The following ZFYVE27 variants were observed in gnomAD, a reference collection of about 807,000 sequenced individuals.
ZFYVE27 encodes the protein protrudin.
Under a neutral mutation model 52.8 loss-of-function variants are expected in ZFYVE27, and 36 were observed. That is an observed-to-expected ratio of 0.68 (90% confidence interval 0.52 to 0.90). The LOEUF (loss-of-function observed/expected upper bound fraction) is 0.90, where lower values mean the gene tolerates loss of function less well. Ranked by LOEUF, ZFYVE27 falls within the 40% of genes least tolerant of loss-of-function variation. The pLI is 0.00. For missense variants in ZFYVE27, 450 were observed against 527.2 expected, an observed-to-expected ratio of 0.85 and a Z score of 1.43; for synonymous variants, 223 against 215.6, an observed-to-expected ratio of 1.03 and a Z score of -0.30.
intron 3 of ZFYVE27, among the ~76,000 whole-genome samples, chr10:97,743,671 C>T (rs963720687): frequency 6.6e-6 from 1 of 152,192 alleles, no homozygotes; most frequent in Non-Finnish European, 1.5e-5. Flanking sequence ...TTTGCCATAT[C>T]TGTTGCTTTT....
intron 10 of ZFYVE27, among the ~76,000 whole-genome samples, chr10:97,754,509 C>A (rs1446194673): frequency 6.6e-6 from 1 of 151,998 alleles, no homozygotes; most frequent in Non-Finnish European, 1.5e-5. Context: ...GAGACAGGGT[C>A]TTACTTTGTT....
chr10:97,738,365 G>A (rs1418858649), intron 1 of ZFYVE27, 112 bp from the exon 2 acceptor site: 2 of 1,185,258 alleles, frequency 1.7e-6, no homozygotes, highest in Non-Finnish European at 2.5e-6. Context: ...GGTCTGAATA[G>A]TTCACTTTCC....
chr10:97,759,237 C>T lies in ZFYVE27; in HGVS notation c.1173C>T (p.Ala391=), dbSNP rs750596330. ...KVPKSSMGAT[A]PEAQRETVFV... ...CACCAAGTTCTTCCTCCTTTTCAGC[C>T]CCTGAAGCCCAGAGGGAGACTGTGT... The change falls in exon 13 of 13, where the codon GCC becomes GCT. Residue 391 remains alanine, a splice_region_variant and synonymous_variant. Coordinates refer to ENST00000684270, the MANE Select transcript of ZFYVE27 (RefSeq NM_001385875.1). 8 of 1,614,040 alleles carry T rather than the reference C, an allele frequency of 5.0e-6. No homozygotes were observed. Among genetic ancestry groups the T allele is most frequent in the Non-Finnish European group, 6.8e-6 (8 of 1,180,040 alleles).
At chr10:97,744,660 G>A in intron 3 of ZFYVE27, 69 bp from the exon 4 acceptor site, 1 of 1,580,140 alleles carries the variant, frequency 6.3e-7, no homozygotes. Flanking sequence ...AACAAGCAGT[G>A]GGCGTCTGGG....
intron 7 of ZFYVE27, 31 bp from the exon 8 acceptor site, chr10:97,751,360 T>C (rs1564826003): frequency 1.2e-6 from 2 of 1,612,118 alleles, no homozygotes; most frequent in Non-Finnish European, 8.5e-7. Context: ...CTGCCATCCT[T>C]CTCCTTCTGT....
At chr10:97,759,166 C>A in intron 12 of ZFYVE27, 70 bp from the exon 13 acceptor site, 1 of 1,558,690 alleles carries the variant, frequency 6.4e-7, no homozygotes, top group Non-Finnish European at 8.8e-7. Context: ...TGGGAGGGTG[C>A]TTCTAGTAGT....
chr10:97,748,464 CAG>C (rs2046048488), intron 5 of ZFYVE27, 100 bp downstream of exon 5: 2 of 1,204,446 alleles, frequency 1.7e-6, no homozygotes, highest in African/African-American at 1.5e-5. Context: ...CCTCTTACCT[CAG>C]GGGAAGAGCT....
intron 10 of ZFYVE27, among the ~76,000 whole-genome samples, chr10:97,756,979 G>A (rs1342618859): frequency 6.6e-6 from 1 of 152,190 alleles, no homozygotes; most frequent in African/African-American, 2.4e-5. Context: ...ATTCTGCTGG[G>A]TGCTCTTTGA....
intron 4 of ZFYVE27, among the ~76,000 whole-genome samples, chr10:97,747,922 C>T (rs1427890849): frequency 6.6e-6 from 1 of 152,206 alleles, no homozygotes; most frequent in African/African-American, 2.4e-5. Context: ...CTGACAGCTG[C>T]TGTGTACCCG....
intron 8 of ZFYVE27, among the ~76,000 whole-genome samples, chr10:97,752,586 T>G (rs887217987): frequency 1.3e-5 from 2 of 152,218 alleles, no homozygotes; most frequent in African/African-American, 2.4e-5. Context: ...AGGGATATTT[T>G]CTTTCCTTTT....
chr10:97,759,135 G>C lies in ZFYVE27; in HGVS notation c.1172-101G>C. The C allele has an allele frequency of 2.4e-6, 3 of 1,250,702 alleles. No homozygotes were observed. The South Asian group carries it at 3.7e-5, about 16-fold the overall frequency. 77.5% of individuals were successfully genotyped at this position (1,250,702 alleles called of 1,614,324 possible). On this transcript the variant is annotated intron_variant, in intron 12 of 12. Transcript: ENST00000684270. ...TGGGCAGGGAGGGTGTGGGCTGGGT[G>C]GGGGGTCTGTGTGGGGCATTTGGGA...
At chr10:97,751,484 TC>T in intron 8 of ZFYVE27, 22 bp downstream of exon 8, 1 of 1,612,694 alleles carries the variant, frequency 6.2e-7, no homozygotes, top group Non-Finnish European at 8.5e-7. Flanking sequence ...TTCCCCAGCA[TC>T]CTCTACTCAG....
At position 97,759,566 on chromosome 10, in the gene ZFYVE27, T is replaced by A; in HGVS notation, c.*266T>A. 1.9e-6 allele frequency: 1 copy of A among 538,740 alleles called. No homozygotes were observed. The highest frequency in any genetic ancestry group is 3.4e-6 in the Non-Finnish European group (1 of 296,390). 33.4% of individuals were successfully genotyped at this position (538,740 alleles called of 1,614,324 possible). A position where few individuals can be genotyped will look rare whatever the true frequency, so the allele number is the denominator to read the frequency against. ...ATGTTTGTCCTGCTCTGCCTGGGAC[T>A]GAGCGAGTGGACTTAGGGCTGGGCA... On this transcript the variant is annotated 3_prime_UTR_variant, in exon 13 of 13. Transcript: ENST00000684270.
chr10:97,756,492 G>T (rs1340709709), intron 10 of ZFYVE27, among the ~76,000 whole-genome samples: 6 of 152,156 alleles, frequency 3.9e-5, no homozygotes, highest in Non-Finnish European at 8.8e-5. Context: ...CAGGTGGTCC[G>T]GCTGGGTCAT....
Position 97,757,669 on chromosome 10 carries a change from T to C in ZFYVE27, c.1117T>C (p.Phe373Leu), listed in dbSNP as rs1277999477. ...GAGCTGCAGTAATTGTGGAAACAGC[T>C]TCTGCTCTCGATGCTGCTCCTTCAA... ...RRSCSNCGNS[F>L]CSRCCSFKVP... is the part of the protein sequence containing the mutation. Residue 373 changes from phenylalanine to leucine, a missense_variant, in exon 12 of 13, where the codon TTC (phenylalanine) becomes CTC (leucine). Coordinates refer to ENST00000684270, the MANE Select transcript of ZFYVE27 (RefSeq NM_001385875.1). 1.9e-6 allele frequency: 3 copies of C among 1,614,250 alleles called. No homozygotes were observed. The highest frequency in any genetic ancestry group is 2.5e-6 in the Non-Finnish European group (3 of 1,180,036).
intron 10 of ZFYVE27, 40 bp downstream of exon 10, chr10:97,753,222 G>A (rs377151614): frequency 8.8e-6 from 14 of 1,594,586 alleles, no homozygotes; most frequent in East Asian, 6.8e-5. Flanking sequence ...GGGGGAGTGG[G>A]GGTGGACTTC....
chr10:97,752,778 G>T (rs1436434765), intron 8 of ZFYVE27, 79 bp from the exon 9 acceptor site: 8 of 1,539,272 alleles, frequency 5.2e-6, no homozygotes, highest in Non-Finnish European at 5.3e-6. Context: ...CTGCTTGGGG[G>T]CCCCTCCAGG....
chr10:97,754,675 T>C (rs1360866739), intron 10 of ZFYVE27: 7 of 1,289,114 alleles, frequency 5.4e-6, no homozygotes, highest in Non-Finnish European at 6.1e-6. Context: ...TTCAGTGATC[T>C]GTTTACCCTC....
intron 4 of ZFYVE27, 103 bp downstream of exon 4, chr10:97,745,018 C>A: frequency 7.5e-7 from 1 of 1,334,734 alleles, no homozygotes; most frequent in Non-Finnish European, 1.0e-6. Context: ...CAAACCACAG[C>A]TGTTACTTCA....
Sources: allele counts gnomAD v4.1 joint callset (sites outside exome capture counted in the v4.1 genomes callset), GRCh38; gene constraint gnomAD v4.1.1; transcripts MANE v1.5; gene names NCBI Gene and HGNC (gene_info 2026-07-23, HGNC 2026-07-21).